MAN1A2: variants seen among roughly 807,000 people sequenced by gnomAD.
MAN1A2 encodes mannosidase alpha class 1A member 2.
MAN1A2 carries 26 observed loss-of-function variants against 75.7 expected under a neutral mutation model. The observed-to-expected ratio is 0.34, with a 90% confidence interval of 0.25 to 0.48. The LOEUF is 0.48. MAN1A2 is among the 20% of genes least tolerant of loss of function. The pLI is 0.99. For synonymous variants in MAN1A2, 247 were observed against 264.6 expected (o/e 0.93, Z 0.65); for missense variants, 562 against 775.5 (o/e 0.72, Z 3.27).
chr1:117,465,358 A>G (rs1471704399), intron 7 of MAN1A2, among the ~76,000 whole-genome samples: 3 of 152,200 alleles, frequency 2.0e-5, no homozygotes, highest in Non-Finnish European at 4.4e-5. Flanking sequence ...AAAGTGGTCT[A>G]TGGAATTTTT....
At chr1:117,420,267 T>G (rs1249722064) in intron 4 of MAN1A2, among the ~76,000 whole-genome samples, 1 of 152,008 alleles carries the variant, frequency 6.6e-6, no homozygotes, top group African/African-American at 2.4e-5. Context: ...ATGAAGGCTT[T>G]CATGAGGAAG....
intron 4 of MAN1A2, among the ~76,000 whole-genome samples, chr1:117,418,658 A>C (rs61375177): frequency 0.02 from 2,979 of 152,166 alleles, 33 homozygotes; most frequent in East Asian, 0.054. Flanking sequence ...AAGGACTCAT[A>C]ATGTTTCATC....
intron 1 of MAN1A2, among the ~76,000 whole-genome samples, chr1:117,373,300 T>G (rs181428856): frequency 6.6e-5 from 10 of 152,310 alleles, no homozygotes; most frequent in Admixed American, 2.0e-4. Context: ...TTTCTGCTCC[T>G]GTTTGGGCGA....
Position 117,525,237 on chromosome 1 carries a change from G to A in MAN1A2, c.*2280G>A, listed in dbSNP as rs566237739. The A allele has an allele frequency of 4.4e-6, 2 of 458,880 alleles. No homozygotes were observed. The highest frequency in any genetic ancestry group is 6.6e-5 in the East Asian group (1 of 15,076). The allele number at this position is 458,880 out of a possible 1,614,324, so 28.4% of individuals were successfully genotyped here. On this transcript the variant is annotated 3_prime_UTR_variant, in exon 13 of 13. Coordinates refer to ENST00000356554, the MANE Select transcript of MAN1A2 (RefSeq NM_006699.5). ...AAAGAATTTGACAGGGACAATGGAAGGGTCTTCTTCACCACTCCTTACCTT... is the reference window on the plus strand; with the variant it reads ...AAAGAATTTGACAGGGACAATGGAAAGGTCTTCTTCACCACTCCTTACCTT...
chr1:117,373,484 G>GTTTTTTT (rs34482916), intron 1 of MAN1A2, among the ~76,000 whole-genome samples: 1 of 113,364 alleles, frequency 8.8e-6, no homozygotes. Context: ...TGCTGCATTT[G>GTTTTTTT]TTTTTTTTTT....
At chr1:117,402,717 G>A (rs1018736521) in intron 2 of MAN1A2, among the ~76,000 whole-genome samples, 16 of 151,532 alleles carry the variant, frequency 1.1e-4, no homozygotes, top group African/African-American at 2.7e-4. Context: ...GAAATTCAGC[G>A]TTTTATTAAT....
intron 3 of MAN1A2, among the ~76,000 whole-genome samples, chr1:117,406,470 A>G (rs1647618746): frequency 6.6e-6 from 1 of 152,020 alleles, no homozygotes; most frequent in African/African-American, 2.4e-5. Flanking sequence ...AATAACAGCA[A>G]TTTTCTTTTT....
chr1:117,475,521 C>T (rs931281059), intron 8 of MAN1A2, among the ~76,000 whole-genome samples: 4 of 151,984 alleles, frequency 2.6e-5, no homozygotes, highest in Admixed American at 2.6e-4. Flanking sequence ...CCTACCTTCC[C>T]ACCCACCGAC....
chr1:117,399,389 C>T (rs1647332259), intron 1 of MAN1A2, among the ~76,000 whole-genome samples: 1 of 152,194 alleles, frequency 6.6e-6, no homozygotes, highest in Admixed American at 6.5e-5. Flanking sequence ...CTGGGGCAAT[C>T]TCCCCATTTG....
intron 6 of MAN1A2, among the ~76,000 whole-genome samples, chr1:117,446,106 T>A (rs1280162167): frequency 1.3e-5 from 2 of 151,468 alleles, no homozygotes; most frequent in African/African-American, 4.8e-5. Context: ...TTGTTTTACC[T>A]TTCATCTTTG....
At chr1:117,452,597 C>G (rs1008488928) in intron 6 of MAN1A2, among the ~76,000 whole-genome samples, 8 of 152,186 alleles carry the variant, frequency 5.3e-5, no homozygotes, top group Admixed American at 1.3e-4. Flanking sequence ...TAATGCAGAG[C>G]AAGGCCCTAA....
chr1:117,484,847 T>C (rs1053504123), intron 8 of MAN1A2, among the ~76,000 whole-genome samples: 2 of 151,994 alleles, frequency 1.3e-5, no homozygotes, highest in African/African-American at 2.4e-5. Flanking sequence ...TCTACACATA[T>C]GTTATTCATT....
intron 1 of MAN1A2, among the ~76,000 whole-genome samples, chr1:117,375,101 T>C (rs1166434299): frequency 6.6e-6 from 1 of 152,170 alleles, no homozygotes; most frequent in Non-Finnish European, 1.5e-5. Context: ...AAAATTGTTT[T>C]CAGGTGTCAT....
rs1481198434 is a variant in MAN1A2, at chr1:117,500,726, C to G, written c.1677+1172C>G. Reference sequence around the variant, plus strand: ...TATTGATGCTGCTTTTCCTTGGCCCCTTGGCTCCAGAATTGGGAGCACAGC... The same window carrying G: ...TATTGATGCTGCTTTTCCTTGGCCCGTTGGCTCCAGAATTGGGAGCACAGC... On this transcript the variant is annotated intron_variant, in intron 11 of 12. Transcript: ENST00000356554. 3.3e-5 allele frequency among the ~76,000 whole-genome samples: 5 copies of G among 151,834 alleles called. No individual in the cohort carries two copies. The East Asian group carries it at 9.7e-4, about 30-fold the overall frequency.
chr1:117,505,496 G>C lies in MAN1A2; in HGVS notation c.1793+2526G>C, dbSNP rs1290547. On this transcript the variant is annotated intron_variant, in intron 12 of 12. Transcript: ENST00000356554. ...ATATCTATCTATATATATATAGATA[G>C]ATATATTTGCTACAATTTTTGCTTT... Among the ~76,000 whole-genome samples, 584 of 150,744 alleles carry C rather than the reference G, an allele frequency of 3.9e-3. 7 individuals are homozygous for C. The highest frequency in any genetic ancestry group is 0.013 in the African/African-American group (553 of 41,276).
chr1:117,382,719 A>G (rs1400949233), intron 1 of MAN1A2, among the ~76,000 whole-genome samples: 1 of 152,140 alleles, frequency 6.6e-6, no homozygotes, highest in Non-Finnish European at 1.5e-5. Context: ...TTCTGTGAAG[A>G]AAGTCATTGG....
intron 5 of MAN1A2, among the ~76,000 whole-genome samples, chr1:117,431,186 G>T (rs1463725900): frequency 9.4e-6 from 1 of 106,772 alleles, no homozygotes; most frequent in African/African-American, 3.6e-5. Flanking sequence ...GAGGGAGACC[G>T]TGGGGAGAGG....
At chr1:117,522,751 C>T in intron 12 of MAN1A2, 74 bp from the exon 13 acceptor site, 1 of 1,306,092 alleles carries the variant, frequency 7.7e-7, no homozygotes, top group Admixed American at 2.0e-5. Context: ...GTTTTCTGTG[C>T]CATTAAAAGT....
chr1:117,391,233 G>A (rs1653708399), intron 1 of MAN1A2, among the ~76,000 whole-genome samples: 1 of 152,000 alleles, frequency 6.6e-6, no homozygotes, highest in Non-Finnish European at 1.5e-5. Flanking sequence ...GGTCTGTATT[G>A]GTACATGTTC....
Sources: allele counts gnomAD v4.1 joint callset (sites outside exome capture counted in the v4.1 genomes callset), GRCh38; gene constraint gnomAD v4.1.1; transcripts MANE v1.5; gene names NCBI Gene and HGNC (gene_info 2026-07-23, HGNC 2026-07-21).